SPMIP2: variants seen among roughly 807,000 people sequenced by gnomAD.
SPMIP2 encodes sperm microtubule inner protein 2, also known as protein SPMIP2.
chr4:159,041,733 T>TGGA, the SPMIP2 span, among the ~76,000 whole-genome samples: 1 of 152,368 alleles, frequency 6.6e-6, no homozygotes, highest in African/African-American at 2.4e-5. Flanking sequence ...TCCCACCAGT[T>TGGA]TAATTTTCTG....
the SPMIP2 span, among the ~76,000 whole-genome samples, chr4:158,920,772 TCAGTAG>T: frequency 6.6e-6 from 1 of 152,364 alleles, no homozygotes; most frequent in East Asian, 1.9e-4. Context: ...TGGACCCTTA[TCAGTAG>T]CAGTAGTTCT....
chr4:158,987,433 C>T, the SPMIP2 span, among the ~76,000 whole-genome samples: 5 of 152,124 alleles, frequency 3.3e-5, no homozygotes, highest in East Asian at 9.7e-4. Context: ...ACATATACAC[C>T]ATGGAATACT....
At chr4:159,070,230 T>G in the SPMIP2 span, among the ~76,000 whole-genome samples, 1 of 152,256 alleles carries the variant, frequency 6.6e-6, no homozygotes, top group East Asian at 1.9e-4. Flanking sequence ...TGCCATCGAG[T>G]TGTTTAAAAC....
At chr4:158,937,036 C>T in the SPMIP2 span, among the ~76,000 whole-genome samples, 52 of 152,152 alleles carry the variant, frequency 3.4e-4, no homozygotes, top group Non-Finnish European at 4.9e-4. Context: ...AAAGGAGGAA[C>T]GGGGGAAACC....
the SPMIP2 span, among the ~76,000 whole-genome samples, chr4:158,910,079 C>T: frequency 6.6e-6 from 1 of 152,068 alleles, no homozygotes; most frequent in Non-Finnish European, 1.5e-5. Flanking sequence ...CAGGGTCTCA[C>T]TCTGTTGCCC....
At chr4:159,035,669 T>TGG in the SPMIP2 span, among the ~76,000 whole-genome samples, 2 of 152,232 alleles carry the variant, frequency 1.3e-5, no homozygotes, top group Non-Finnish European at 2.9e-5. Flanking sequence ...GCTTGTGCTT[T>TGG]GGTCATGTCA....
chr4:158,992,503 C>T, the SPMIP2 span, among the ~76,000 whole-genome samples: 3 of 152,108 alleles, frequency 2.0e-5, no homozygotes, highest in Non-Finnish European at 4.4e-5. Context: ...GTCATTAGTT[C>T]CTAAGTTGTT....
chr4:159,034,832 A>G, the SPMIP2 span, among the ~76,000 whole-genome samples: 2 of 152,112 alleles, frequency 1.3e-5, no homozygotes, highest in African/African-American at 4.8e-5. Context: ...CGGAGGTTGC[A>G]GTGAGCCGAG....
At chr4:159,081,038 CTTT>C in the SPMIP2 span, among the ~76,000 whole-genome samples, 6 of 118,386 alleles carry the variant, frequency 5.1e-5, no homozygotes, top group Non-Finnish European at 7.0e-5. Flanking sequence ...GTTTCTTTCT[CTTT>C]TTTTTTTTTT....
At chr4:158,952,820 C>T in the SPMIP2 span, among the ~76,000 whole-genome samples, 3 of 152,180 alleles carry the variant, frequency 2.0e-5, no homozygotes, top group Non-Finnish European at 4.4e-5. Context: ...AAAGATGACT[C>T]TTGTTAGGTT....
the SPMIP2 span, among the ~76,000 whole-genome samples, chr4:159,025,136 A>T: frequency 6.6e-6 from 1 of 152,194 alleles, no homozygotes; most frequent in African/African-American, 2.4e-5. Flanking sequence ...GGGAACCAGC[A>T]GGGTGGGCAT....
chr4:159,017,356 T>TAC, the SPMIP2 span, among the ~76,000 whole-genome samples: 50,059 of 149,050 alleles, frequency 0.34, 8,636 homozygotes, highest in Admixed American at 0.38. Context: ...CACAAACACA[T>TAC]ACACACACAC....
chr4:158,910,659 G>A, the SPMIP2 span, among the ~76,000 whole-genome samples: 1 of 152,178 alleles, frequency 6.6e-6, no homozygotes, highest in Admixed American at 6.5e-5. Flanking sequence ...TAATGTGGGT[G>A]GGCCTCATTC....
At chr4:158,945,305 G>A in the SPMIP2 span, among the ~76,000 whole-genome samples, 549 of 152,060 alleles carry the variant, frequency 3.6e-3, 3 homozygotes, top group African/African-American at 0.012. Context: ...ATACCCTGGC[G>A]TGGCTGCATC....
the SPMIP2 span, among the ~76,000 whole-genome samples, chr4:158,997,436 G>C: frequency 9.9e-5 from 15 of 152,076 alleles, no homozygotes; most frequent in Admixed American, 7.2e-4. Context: ...CACTGTGTTG[G>C]TCAGGCTGGT....
At chr4:159,020,755 C>CGTTGTT in the SPMIP2 span, among the ~76,000 whole-genome samples, 1 of 151,966 alleles carries the variant, frequency 6.6e-6, no homozygotes, top group African/African-American at 2.4e-5. Context: ...TCTTTTTTGT[C>CGTTGTT]GTTGTTGTTG....
chr4:159,039,798 C>T, the SPMIP2 span, among the ~76,000 whole-genome samples: 5 of 152,284 alleles, frequency 3.3e-5, no homozygotes, highest in South Asian at 2.1e-4. Flanking sequence ...TGTCTCGCTT[C>T]GATAATTGAA....
chr4:158,980,254 G>A, the SPMIP2 span, among the ~76,000 whole-genome samples: 1 of 152,170 alleles, frequency 6.6e-6, no homozygotes, highest in Non-Finnish European at 1.5e-5. Flanking sequence ...AGCATATGGG[G>A]GAAGGGGCAG....
the SPMIP2 span, among the ~76,000 whole-genome samples, chr4:158,896,295 G>C: frequency 6.6e-6 from 1 of 152,184 alleles, no homozygotes; most frequent in African/African-American, 2.4e-5. Flanking sequence ...TTCTAGGCTT[G>C]AGGAGCCTGC....
Sources: gnomAD v4.1 joint callset for allele counts (sites outside exome capture counted in the v4.1 genomes callset) on GRCh38, gnomAD v4.1.1 for gene constraint, MANE v1.5 for transcripts, NCBI Gene and HGNC (gene_info 2026-07-23, HGNC 2026-07-21) for gene names.